ROBO1: variants seen among roughly 807,000 people sequenced by gnomAD.
ROBO1 encodes roundabout homolog 1.
A neutral mutation model predicts 195.9 loss-of-function variants in ROBO1; 149 were observed. The ratio of observed to expected loss-of-function variants is 0.76; its 90% CI spans 0.67 to 0.87. The LOEUF (loss-of-function observed/expected upper bound fraction) is 0.87. Among genes scored for constraint, ROBO1 ranks in the 40% least tolerant of loss-of-function variants. The pLI is 0.00. For missense variants in ROBO1, 1,933 were observed against 2,068.3 expected (o/e 0.93, Z 1.27); for synonymous variants, 816 against 733.2 (o/e 1.11, Z -1.82).
chr3:79,630,607 C>G (rs990816619), intron 1 of ROBO1, among the ~76,000 whole-genome samples: 19 of 151,982 alleles, frequency 1.3e-4, no homozygotes, highest in African/African-American at 4.1e-4. Context: ...TTCAACACTT[C>G]TATCCAACAC....
chr3:78,982,678 G>T (rs550299142), intron 3 of ROBO1, among the ~76,000 whole-genome samples: 2 of 152,098 alleles, frequency 1.3e-5, no homozygotes, highest in East Asian at 3.9e-4. Context: ...GCCCAGGCTG[G>T]AGTGTAGTGG....
intron 3 of ROBO1, among the ~76,000 whole-genome samples, chr3:79,097,208 C>T (rs1273273583): frequency 1.3e-5 from 2 of 151,592 alleles, no homozygotes; most frequent in Non-Finnish European, 2.9e-5. Flanking sequence ...ATATTTCATA[C>T]GAATTTCAAA....
At chr3:79,176,779 C>G (rs962878812) in intron 2 of ROBO1, among the ~76,000 whole-genome samples, 1 of 152,132 alleles carries the variant, frequency 6.6e-6, no homozygotes, top group Admixed American at 6.5e-5. Flanking sequence ...TTATTTTAAC[C>G]AGTATTATCT....
At chr3:79,684,862 G>T (rs1947054552) in intron 1 of ROBO1, among the ~76,000 whole-genome samples, 1 of 151,926 alleles carries the variant, frequency 6.6e-6, no homozygotes, top group Non-Finnish European at 1.5e-5. Context: ...TTTTAGTAGA[G>T]ACGGGGTTTC....
intron 1 of ROBO1, among the ~76,000 whole-genome samples, chr3:79,615,798 G>A (rs1944800367): frequency 6.6e-6 from 1 of 152,076 alleles, no homozygotes; most frequent in Non-Finnish European, 1.5e-5. Flanking sequence ...AATAAGGAAT[G>A]GGCAATATTT....
chr3:78,721,536 T>C (rs553179028), intron 5 of ROBO1, among the ~76,000 whole-genome samples: 2 of 152,278 alleles, frequency 1.3e-5, no homozygotes, highest in African/African-American at 4.8e-5. Context: ...AATTGTACAA[T>C]GATACATAAA....
chr3:78,751,479 C>A (rs762528875), intron 4 of ROBO1, among the ~76,000 whole-genome samples: 1 of 152,066 alleles, frequency 6.6e-6, no homozygotes, highest in Non-Finnish European at 1.5e-5. Flanking sequence ...TTGTAGGATG[C>A]AGTGGCCAAG....
intron 2 of ROBO1, among the ~76,000 whole-genome samples, chr3:79,518,198 G>A (rs1469358971): frequency 6.6e-6 from 1 of 152,076 alleles, no homozygotes; most frequent in Non-Finnish European, 1.5e-5. Flanking sequence ...TTTCCTATAA[G>A]TGTATTTAGT....
At chr3:78,808,832 A>G (rs1036675263) in intron 4 of ROBO1, among the ~76,000 whole-genome samples, 1 of 152,184 alleles carries the variant, frequency 6.6e-6, no homozygotes, top group African/African-American at 2.4e-5. Context: ...CTTACACCTT[A>G]TACAAAAATG....
chr3:78,660,991 A>T, intron 16 of ROBO1, 39 bp downstream of exon 16: 1 of 1,336,104 alleles, frequency 7.5e-7, no homozygotes, highest in Non-Finnish European at 1.1e-6. Flanking sequence ...TAACAAATAT[A>T]CTGCAATGCA....
chr3:79,061,114 C>G (rs550478208), intron 3 of ROBO1, among the ~76,000 whole-genome samples: 107 of 152,174 alleles, frequency 7.0e-4, no homozygotes, highest in African/African-American at 2.6e-3. Flanking sequence ...ATCGTCTTGG[C>G]CCAAAATCTC....
Position 79,759,539 on chromosome 3 carries a change from A to G in ROBO1, c.-51+8213T>C, listed in dbSNP as rs75165859. Among the ~76,000 whole-genome samples the G allele has an allele frequency of 5.3e-5, 8 of 152,272 alleles. No homozygotes were observed. The East Asian group carries it at 1.2e-3, about 22-fold the overall frequency. On this transcript the variant is annotated intron_variant, in intron 1 of 30. Coordinates refer to ENST00000464233, the MANE Select transcript of ROBO1 (RefSeq NM_002941.4). ...CTTAGTAAACAGGATTCATTAATAT[A>G]CTCTATAAAGAACTAAAACTAAGTA... is the stretch of plus-strand genomic sequence containing the variant.
chr3:79,537,749 G>A (rs1490110208), intron 2 of ROBO1, among the ~76,000 whole-genome samples: 6 of 152,052 alleles, frequency 3.9e-5, no homozygotes, highest in Non-Finnish European at 7.4e-5. Flanking sequence ...AGTGGGGAGA[G>A]GGGAGGGAGA....
Position 79,574,952 on chromosome 3 carries a change from G to A in ROBO1, c.88+14872C>T, listed in dbSNP as rs1045375456. Among the ~76,000 whole-genome samples the A allele has an allele frequency of 2.0e-5, 3 of 150,458 alleles. No homozygotes were observed. The South Asian group carries it at 6.2e-4, about 31-fold the overall frequency. ...TAAAAACATAACTTCCTACCAGACA[G>A]CAACAAACCAAACTTTCTCTTGGCC... is the stretch of plus-strand genomic sequence containing the variant. On this transcript the variant is annotated intron_variant, in intron 2 of 30. Transcript: ENST00000464233.
rs145211857 is a variant in ROBO1 at position 78,985,872 on chromosome 3, G to C, written c.173-46945C>G. Among the ~76,000 whole-genome samples, 52 of 152,222 alleles carry C rather than the reference G, an allele frequency of 3.4e-4. No homozygotes were observed. In the East Asian group the frequency reaches 4.2e-3, roughly 12 times the overall value. ...GTTGCTAAAGTATCATGGAAATTCT[G>C]CCTAGTCAAATATCAGCTATACAGA... On this transcript the variant is annotated intron_variant, in intron 3 of 30. Transcript: ENST00000464233.
At chr3:78,975,044 T>A (rs930542241) in intron 3 of ROBO1, among the ~76,000 whole-genome samples, 1 of 152,148 alleles carries the variant, frequency 6.6e-6, no homozygotes, top group African/African-American at 2.4e-5. Flanking sequence ...ATTAGTAATT[T>A]TCCTGGTGAG....
intron 2 of ROBO1, among the ~76,000 whole-genome samples, chr3:79,546,229 A>T (rs1259461342): frequency 6.6e-6 from 1 of 152,088 alleles, no homozygotes; most frequent in African/African-American, 2.4e-5. Context: ...AATACAGCAT[A>T]TAATACATAT....
At chr3:79,333,097 G>C (rs570914232) in intron 2 of ROBO1, among the ~76,000 whole-genome samples, 4 of 151,832 alleles carry the variant, frequency 2.6e-5, no homozygotes, top group African/African-American at 9.7e-5. Context: ...CAGCTGCTTG[G>C]GAGGCTTAGA....
At chr3:79,164,521 C>T (rs1169759197) in intron 2 of ROBO1, among the ~76,000 whole-genome samples, 3 of 152,110 alleles carry the variant, frequency 2.0e-5, no homozygotes, top group Non-Finnish European at 2.9e-5. Flanking sequence ...TTGATCCAGC[C>T]CACCATCCTC....
Sources: allele counts gnomAD v4.1 joint callset (sites outside exome capture counted in the v4.1 genomes callset), GRCh38; gene constraint gnomAD v4.1.1; transcripts MANE v1.5; gene names NCBI Gene and HGNC (gene_info 2026-07-23, HGNC 2026-07-21).